Variants in SPIRE1 observed in about 807,000 individuals in gnomAD.
SPIRE1 encodes protein spire homolog 1.
In SPIRE1, 40 loss-of-function variants were observed where a neutral mutation model predicts 94.1. The observed-to-expected ratio is 0.43, with a 90% CI of 0.33 to 0.55. The LOEUF (loss-of-function observed/expected upper bound fraction) is 0.55. SPIRE1 is among the 20% of genes least tolerant of loss of function. The pLI, the probability that SPIRE1 is intolerant of heterozygous loss-of-function variation, is 0.06. For missense variants in SPIRE1, 838 were observed against 975.2 expected (o/e 0.86, Z 1.87); for synonymous variants, 376 against 371.7 (o/e 1.01, Z -0.13).
chr18:12,464,669 C>A (rs944350791), intron 11 of SPIRE1, among the ~76,000 whole-genome samples, 199 bp downstream of exon 11: 11 of 152,134 alleles, frequency 7.2e-5, no homozygotes, highest in African/African-American at 2.7e-4. Context: ...CACACATGTG[C>A]CTGCTCTGTC....
rs1345452411 is a variant in SPIRE1, at chr18:12,549,436, G to GTTTTTTTTTTTTTTTTTTTTTTTTTTT, written c.373-2533_373-2532insAAAAAAAAAAAAAAAAAAAAAAAAAAA. On this transcript the variant is annotated intron_variant, in intron 2 of 16. Coordinates refer to ENST00000409402, the MANE Select transcript of SPIRE1 (RefSeq NM_001128626.2). ...TTGCTTTTTGTTTGTTTTTGTTATT[G>GTTTTTTTTTTTTTTTTTTTTTTTTTTT]TTGTTTTTTTTTTTTTTTTTTTTTT... Among the ~76,000 whole-genome samples the GTTTTTTTTTTTTTTTTTTTTTTTTTTT allele has an allele frequency of 5.0e-4, 26 of 51,934 alleles. 1 individual carries two copies. Among genetic ancestry groups the GTTTTTTTTTTTTTTTTTTTTTTTTTTT allele is most frequent in the Admixed American group, 8.5e-4 (4 of 4,724 alleles). The allele number at this position is 51,934 out of a possible 152,430, so 34.1% of individuals were successfully genotyped here.
At chr18:12,461,561 GTATAT>G (rs111521108) in intron 12 of SPIRE1, among the ~76,000 whole-genome samples, 6,521 of 147,042 alleles carry the variant, frequency 0.044, 333 homozygotes, top group African/African-American at 0.092. Flanking sequence ...ATACATGCGT[GTATAT>G]GTATGTACAT....
intron 2 of SPIRE1, among the ~76,000 whole-genome samples, chr18:12,619,615 G>A (rs775855993): frequency 1.2e-4 from 18 of 152,126 alleles, no homozygotes; most frequent in Non-Finnish European, 1.6e-4. Flanking sequence ...TTGGGAGGCC[G>A]AGGTGGGTGA....
chr18:12,660,572 C>T (rs539794005), upstream of SPIRE1, among the ~76,000 whole-genome samples: 391 of 152,240 alleles, frequency 2.6e-3, 1 homozygote, highest in African/African-American at 9.0e-3. Flanking sequence ...CCACCCGCCT[C>T]AGCCTCCAAA....
chr18:12,510,688 GT>G (rs1461511304), intron 5 of SPIRE1, among the ~76,000 whole-genome samples: 2 of 151,902 alleles, frequency 1.3e-5, no homozygotes, highest in Admixed American at 6.6e-5. Context: ...GATTACAGGT[GT>G]GCACCACCAC....
At chr18:12,623,763 G>A (rs2037542386) in intron 2 of SPIRE1, among the ~76,000 whole-genome samples, 2 of 151,984 alleles carry the variant, frequency 1.3e-5, no homozygotes, top group South Asian at 4.2e-4. Flanking sequence ...CAAGTAGCTG[G>A]GATTACAGGC....
chr18:12,461,420 G>GTGTGTGTATGTATGTATATACATACA lies in SPIRE1; in HGVS notation c.1638+1930_1638+1931insTGTATGTATATACATACATACACACA, dbSNP rs2031793660. Among the ~76,000 whole-genome samples, 7 of 146,462 alleles carry GTGTGTGTATGTATGTATATACATACA rather than the reference G, an allele frequency of 4.8e-5. No homozygotes were observed. In the South Asian group the frequency reaches 1.1e-3, roughly 22 times the overall value. On this transcript the variant is annotated intron_variant, in intron 12 of 16. Coordinates refer to ENST00000409402, the MANE Select transcript of SPIRE1 (RefSeq NM_001128626.2). Reference sequence around the variant, plus strand: ...CTCTTACCTATACACATGTATGTGTGTGTGTGTGTATGTATGTATATACAT... The same window carrying GTGTGTGTATGTATGTATATACATACA: ...CTCTTACCTATACACATGTATGTGTGTGTGTGTATGTATGTATATACATACATGTGTGTGTATGTATGTATATACAT...
chr18:12,546,657 A>G lies in SPIRE1; in HGVS notation c.603+17T>C, dbSNP rs2035180407. The G allele has an allele frequency of 6.3e-7, 1 of 1,582,850 alleles. No homozygotes were observed. The highest frequency in any genetic ancestry group is 8.7e-7 in the Non-Finnish European group (1 of 1,151,848). ...AACTCTTGAAAAAAACAAGTACTGC[A>G]TAAAACGCTGCCTTACCTTCATGAC... On this transcript the variant is annotated intron_variant, in intron 3 of 16. Transcript: ENST00000409402.
At chr18:12,517,037 C>T (rs1379451607) in intron 4 of SPIRE1, among the ~76,000 whole-genome samples, 3 of 152,138 alleles carry the variant, frequency 2.0e-5, no homozygotes, top group Non-Finnish European at 2.9e-5. Context: ...TTTCCAGCTG[C>T]GTGACTTTGG....
chr18:12,494,867 A>C (rs1169089907), intron 7 of SPIRE1, among the ~76,000 whole-genome samples: 8 of 145,602 alleles, frequency 5.5e-5, no homozygotes, highest in African/African-American at 1.8e-4. Context: ...ATACAAAAAA[A>C]AACAAACCCA....
chr18:12,485,616 A>G (rs1258081578), intron 9 of SPIRE1, among the ~76,000 whole-genome samples: 1 of 152,130 alleles, frequency 6.6e-6, no homozygotes, highest in African/African-American at 2.4e-5. Context: ...GTTTTTTTCT[A>G]TTCTCTTAGG....
At chr18:12,459,243 G>C (rs1441640813) in intron 12 of SPIRE1, among the ~76,000 whole-genome samples, 1 of 152,256 alleles carries the variant, frequency 6.6e-6, no homozygotes, top group Non-Finnish European at 1.5e-5. Flanking sequence ...TACACACCCT[G>C]GTTGTCATAA....
chr18:12,461,977 T>C (rs1220187519), intron 12 of SPIRE1, among the ~76,000 whole-genome samples: 3 of 152,190 alleles, frequency 2.0e-5, no homozygotes, highest in African/African-American at 7.2e-5. Flanking sequence ...TATATTTTGG[T>C]AAAAGCAATA....
At chr18:12,618,933 G>A (rs2037386477) in intron 2 of SPIRE1, among the ~76,000 whole-genome samples, 1 of 152,034 alleles carries the variant, frequency 6.6e-6, no homozygotes, top group Non-Finnish European at 1.5e-5. Context: ...TGCCCAGGCT[G>A]GAGTGCAATG....
At position 12,638,436 on chromosome 18, in the gene SPIRE1, C is replaced by T. The variant is rs149045203; in HGVS notation, c.338-3340G>A. 1.9e-3 allele frequency among the ~76,000 whole-genome samples: 295 copies of T among 152,246 alleles called. 5 individuals carry two copies. The highest frequency in any genetic ancestry group is 0.018 in the East Asian group (94 of 5,178). ...TCCAGAACAGGTGACAGAACAAGGCCTTGCCTCAGAAACCATTAATTAATT... is the reference window on the plus strand; with the variant it reads ...TCCAGAACAGGTGACAGAACAAGGCTTTGCCTCAGAAACCATTAATTAATT... On this transcript the variant is annotated intron_variant, in intron 1 of 16. Coordinates refer to ENST00000409402, the MANE Select transcript of SPIRE1 (RefSeq NM_001128626.2).
chr18:12,595,600 G>T (rs2144609737), intron 2 of SPIRE1, among the ~76,000 whole-genome samples: 1 of 152,340 alleles, frequency 6.6e-6, no homozygotes, highest in African/African-American at 2.4e-5. Context: ...GACATCTGAA[G>T]TTGTATCTGT....
At chr18:12,660,629 C>T (rs987011272), upstream of SPIRE1, among the ~76,000 whole-genome samples, 10 of 152,156 alleles carry the variant, frequency 6.6e-5, no homozygotes, top group African/African-American at 2.4e-4. Context: ...CCAAAAGATA[C>T]ATTCTTAAAA....
intron 2 of SPIRE1, among the ~76,000 whole-genome samples, chr18:12,584,099 A>C (rs924819013): frequency 1.3e-5 from 2 of 152,178 alleles, no homozygotes. Flanking sequence ...GAAATATATA[A>C]TACATGCCAG....
chr18:12,552,572 G>C (rs976646075), intron 2 of SPIRE1, among the ~76,000 whole-genome samples: 1 of 151,780 alleles, frequency 6.6e-6, no homozygotes, highest in East Asian at 1.9e-4. Context: ...CAGACAGCCC[G>C]GCACCACACC....
Sources: gnomAD v4.1 joint callset for allele counts (sites outside exome capture counted in the v4.1 genomes callset) on GRCh38, gnomAD v4.1.1 for gene constraint, MANE v1.5 for transcripts, NCBI Gene and HGNC (gene_info 2026-07-23, HGNC 2026-07-21) for gene names.